The following CDH26 variants were observed in gnomAD, a reference collection of about 807,000 sequenced individuals.
CDH26 encodes cadherin-like protein 26.
In CDH26, 83 loss-of-function variants were observed where a neutral mutation model predicts 90.3. That is an observed-to-expected ratio of 0.92 (90% CI 0.77 to 1.10). The LOEUF (loss-of-function observed/expected upper bound fraction) is 1.10, where lower values mean the gene tolerates loss of function less well. Ranked by LOEUF, CDH26 falls within the 50% of genes least tolerant of loss-of-function variation. The pLI is 0.00. For synonymous variants in CDH26, 397 were observed against 396.3 expected, an observed-to-expected ratio of 1.00 and a Z score of -0.02; for missense variants, 1,013 against 1,037.6, an observed-to-expected ratio of 0.98 and a Z score of 0.33.
intron 4 of CDH26, 141 bp from the exon 5 acceptor site, chr20:59,982,782 G>T: frequency 1.1e-6 from 1 of 900,420 alleles, no homozygotes. Flanking sequence ...TGGTAAATGA[G>T]GGCAGTCTGA....
chr20:60,031,216 A>C, intron 7 of CDH26: 2 of 1,148,684 alleles, frequency 1.7e-6, no homozygotes, highest in Non-Finnish European at 2.2e-6. Flanking sequence ...AGCACCTCTT[A>C]CCTGCTTTGT....
chr20:60,035,261 C>T (rs913327973), downstream of CDH26, among the ~76,000 whole-genome samples: 1 of 152,224 alleles, frequency 6.6e-6, no homozygotes, highest in African/African-American at 2.4e-5. Context: ...TTCTAATTCA[C>T]ACTTTTTCTA....
In CDH26 at chr20:59,995,872, G is replaced by A. The variant is rs760214988; in HGVS notation, c.1706G>A (p.Arg569His). Residue 569 changes from arginine to histidine, a missense_variant, in exon 12 of 18, where the codon CGT becomes CAT. Physicochemically the swap from Arg to His is conservative, Grantham distance 29. Coordinates refer to ENST00000348616, the MANE Select transcript of CDH26 (RefSeq NM_177980.4). The stretch of plus-strand genomic sequence containing the variant: ...CTTTTAACCTTGAGAAGCCTGCCAC[G>A]TGGTAATTACTTGGTGCCACTCTTC... ...VELLTLRSLP[R>H]GNYLVPLFIG... is the part of the protein sequence containing the mutation. 29 of 1,614,090 alleles carry A rather than the reference G, an allele frequency of 1.8e-5. No individual in the cohort carries two copies. The Middle Eastern group carries it at 4.9e-4, about 27-fold the overall frequency.
intron 1 of CDH26, among the ~76,000 whole-genome samples, chr20:59,964,138 A>G (rs1320897797): frequency 6.6e-6 from 1 of 152,256 alleles, no homozygotes; most frequent in Non-Finnish European, 1.5e-5. Flanking sequence ...GCATTTAAAA[A>G]TGAAATACTT....
chr20:60,005,199 A>G (rs1005558145), intron 16 of CDH26, among the ~76,000 whole-genome samples: 1 of 152,190 alleles, frequency 6.6e-6, no homozygotes, highest in Non-Finnish European at 1.5e-5. Flanking sequence ...AATACATATG[A>G]CATACAAAAT....
In CDH26 at chr20:59,992,662, A is replaced by G. The variant is rs1486109993; in HGVS notation, c.1426+142A>G. 2 of 812,538 alleles carry G rather than the reference A, an allele frequency of 2.5e-6. No individual in the cohort carries two copies. Among genetic ancestry groups the G allele is most frequent in the Non-Finnish European group, 3.8e-6 (2 of 522,126 alleles). 50.3% of individuals were successfully genotyped at this position (812,538 alleles called of 1,614,324 possible). A position where few individuals can be genotyped will look rare whatever the true frequency, so the allele number is the denominator to read the frequency against. On this transcript the variant is annotated intron_variant, in intron 10 of 17. Transcript: ENST00000348616. The surrounding 1 kb of genome is among the most constrained non-coding windows in gnomAD (Gnocchi z 5.0). ...TCACTCTGCATCCATGCTGGTGATT[A>G]TTTTTGGTAATAATTCTTAAAATGG... is the stretch of plus-strand genomic sequence containing the variant.
At chr20:59,996,874 T>A in intron 13 of CDH26, 113 bp downstream of exon 13, 1 of 1,392,058 alleles carries the variant, frequency 7.2e-7, no homozygotes. Context: ...CTCTTACCCG[T>A]GTTTCAGTAG....
At chr20:59,996,177 G>T in intron 12 of CDH26, 123 bp downstream of exon 12, 2 of 1,086,860 alleles carry the variant, frequency 1.8e-6, no homozygotes, top group Non-Finnish European at 2.6e-6. Flanking sequence ...CTTTGAGAAT[G>T]ACTTCTGGGT....
At chr20:60,033,828 C>G (rs1397808452) in exon 9 of CDH26, 2 of 1,050,796 alleles carry the variant, frequency 1.9e-6, no homozygotes, top group Non-Finnish European at 2.4e-6. Context: ...AAATAATGTG[C>G]AAAGCCCTGG....
At chr20:59,993,842 A>G (rs1386948713) in intron 10 of CDH26, among the ~76,000 whole-genome samples, 4 of 152,234 alleles carry the variant, frequency 2.6e-5, no homozygotes, top group Admixed American at 2.6e-4. Flanking sequence ...TTGCAGGACT[A>G]CAGTGTAACC....
chr20:59,967,870 TTTC>T (rs2061179861), intron 1 of CDH26, among the ~76,000 whole-genome samples: 1 of 105,572 alleles, frequency 9.5e-6, no homozygotes, highest in Admixed American at 9.4e-5. Flanking sequence ...TCTTTCTTTC[TTTC>T]TTTCTTCCTT....
At chr20:60,016,579 C>T (rs1479553793), downstream of CDH26, among the ~76,000 whole-genome samples, 10 of 151,012 alleles carry the variant, frequency 6.6e-5, no homozygotes, top group South Asian at 2.1e-3. Context: ...TTGACTTCCT[C>T]CTTTCTAATT....
chr20:60,005,413 C>T (rs2061733447), intron 16 of CDH26, among the ~76,000 whole-genome samples: 1 of 152,066 alleles, frequency 6.6e-6, no homozygotes, highest in Non-Finnish European at 1.5e-5. Context: ...TGTACATGTA[C>T]AGAGGCATGA....
intron 1 of CDH26, among the ~76,000 whole-genome samples, chr20:59,966,953 C>T (rs113379171): frequency 0.011 from 1,669 of 151,772 alleles, 11 homozygotes; most frequent in South Asian, 0.046. Context: ...TTAACACACA[C>T]ATCCTCCCCC....
intron 2 of CDH26, 87 bp from the exon 3 acceptor site, chr20:59,969,995 G>T (rs2061234683): frequency 2.0e-6 from 3 of 1,529,642 alleles, no homozygotes; most frequent in Non-Finnish European, 2.6e-6. Context: ...TCAGCACAGG[G>T]CCTTTACATG....
At chr20:59,967,748 T>TCCCCTTC (rs1871145611) in intron 1 of CDH26, among the ~76,000 whole-genome samples, 4 of 148,176 alleles carry the variant, frequency 2.7e-5, no homozygotes, top group African/African-American at 9.9e-5. Context: ...CTTCCTCCCT[T>TCCCCTTC]CCCTTCCCCT....
chr20:60,027,793 C>T (rs2062010240), intron 7 of CDH26, among the ~76,000 whole-genome samples: 1 of 152,064 alleles, frequency 6.6e-6, no homozygotes, highest in Non-Finnish European at 1.5e-5. Flanking sequence ...AGCTGGAAGA[C>T]CTGAATTTTT....
At chr20:60,017,461 T>C (rs1246092369), downstream of CDH26, among the ~76,000 whole-genome samples, 1 of 152,090 alleles carries the variant, frequency 6.6e-6, no homozygotes, top group Non-Finnish European at 1.5e-5. Flanking sequence ...ACATCTCAAT[T>C]TTTTGTTTCA....
chr20:59,986,379 C>G (rs756816780), intron 7 of CDH26, among the ~76,000 whole-genome samples: 1 of 152,130 alleles, frequency 6.6e-6, no homozygotes, highest in African/African-American at 2.4e-5. Context: ...TGTGAGATGG[C>G]TAAGAGATAA....
Sources: allele counts gnomAD v4.1 joint callset (sites outside exome capture counted in the v4.1 genomes callset), GRCh38; gene constraint gnomAD v4.1.1; non-coding constraint Gnocchi (gnomAD v3.1); transcripts MANE v1.5; gene names NCBI Gene and HGNC (gene_info 2026-07-23, HGNC 2026-07-21).